Variants in ABCB4 observed in about 807,000 individuals in gnomAD.
The protein encoded by ABCB4 is ATP binding cassette subfamily B member 4.
ABCB4 carries 76 observed loss-of-function variants against 145.7 expected under a neutral mutation model. The ratio of observed to expected loss-of-function variants is 0.52; its 90% CI spans 0.43 to 0.63. ABCB4 has a LOEUF of 0.63. Among genes scored for constraint, ABCB4 ranks in the 30% least tolerant of loss-of-function variants. ABCB4 has a pLI of 0.00. For synonymous variants in ABCB4, 517 were observed against 566.8 expected (o/e 0.91, Z 1.25); for missense variants, 1,234 against 1,553.1 (o/e 0.79, Z 3.45).
chr7:87,413,243 GC>G (rs1313415808), intron 22 of ABCB4, among the ~76,000 whole-genome samples: 2 of 152,136 alleles, frequency 1.3e-5, no homozygotes, highest in East Asian at 3.8e-4. Context: ...ATACCCAATA[GC>G]AAGTCTCACT....
At chr7:87,429,201 A>G (rs1339542942) in intron 15 of ABCB4, among the ~76,000 whole-genome samples, 1 of 152,180 alleles carries the variant, frequency 6.6e-6, no homozygotes, top group Non-Finnish European at 1.5e-5. Flanking sequence ...CAAAACTCAA[A>G]TCAGAAATGG....
At chr7:87,398,585 C>G (rs1336530835), downstream of ABCB4, 1 of 1,613,560 alleles carries the variant, frequency 6.2e-7, no homozygotes, top group African/African-American at 1.3e-5. Context: ...AAAGCTAGTT[C>G]AGCTGACTTT....
chr7:87,460,055 A>AGC (rs1812348177), intron 4 of ABCB4, among the ~76,000 whole-genome samples: 1 of 152,168 alleles, frequency 6.6e-6, no homozygotes, highest in African/African-American at 2.4e-5. Context: ...AATCAAAGGC[A>AGC]GCTGGTGTAA....
At chr7:87,375,749 C>A in the ABCB4 span, 1 of 1,611,840 alleles carries the variant, frequency 6.2e-7, no homozygotes, top group Admixed American at 1.7e-5. Flanking sequence ...CTTTTCTTAA[C>A]GAAGCTTTTC....
At chr7:87,441,859 A>G (rs1470841466) in intron 12 of ABCB4, among the ~76,000 whole-genome samples, 3 of 152,200 alleles carry the variant, frequency 2.0e-5, no homozygotes, top group African/African-American at 7.2e-5. Flanking sequence ...TCAATCTCCC[A>G]AAGTGCTGAG....
chr7:87,420,157 A>T (rs1466060820), intron 18 of ABCB4, 82 bp from the exon 19 acceptor site: 7 of 1,343,790 alleles, frequency 5.2e-6, no homozygotes, highest in Non-Finnish European at 7.5e-6. Context: ...ACTTTTATGT[A>T]GCAAAGTTAT....
At chr7:87,467,206 T>A (rs144995739) in intron 3 of ABCB4, among the ~76,000 whole-genome samples, 1,605 of 152,088 alleles carry the variant, frequency 0.011, 15 homozygotes, top group South Asian at 0.026. Flanking sequence ...TGGAGGAAGA[T>A]CTACCAAGCA....
At chr7:87,398,280 C>G (rs899184148), downstream of ABCB4, 3 of 645,902 alleles carry the variant, frequency 4.6e-6, no homozygotes, top group Non-Finnish European at 8.6e-6. Context: ...TCAGAGCACT[C>G]TAGGGCTCTA....
At chr7:87,466,582 C>T (rs898699470) in intron 3 of ABCB4, among the ~76,000 whole-genome samples, 4 of 152,096 alleles carry the variant, frequency 2.6e-5, no homozygotes, top group African/African-American at 9.7e-5. Flanking sequence ...ACAGCAACTC[C>T]AAGAAACATA....
chr7:87,465,788 AG>A (rs967860265), intron 3 of ABCB4, among the ~76,000 whole-genome samples: 10 of 152,208 alleles, frequency 6.6e-5, no homozygotes, highest in Non-Finnish European at 1.5e-4. Flanking sequence ...CCAGGAAAAC[AG>A]GGTCTGGAGT....
chr7:87,457,942 C>T (rs1411709486), intron 4 of ABCB4, among the ~76,000 whole-genome samples: 1 of 152,110 alleles, frequency 6.6e-6, no homozygotes, highest in African/African-American at 2.4e-5. Context: ...AAGCATCTCT[C>T]CTTTCTTTGT....
chr7:87,419,423 C>T lies in ABCB4; in HGVS notation c.2394+575G>A, dbSNP rs146298487. On this transcript the variant is annotated intron_variant, in intron 19 of 27. Transcript: ENST00000649586. ...TGTCAGGCACTAGAATGTGAACTTACGAGGAGAGCAAATAATGGATTATAC... is the reference window on the plus strand; with the variant it reads ...TGTCAGGCACTAGAATGTGAACTTATGAGGAGAGCAAATAATGGATTATAC... Among the ~76,000 whole-genome samples the T allele has an allele frequency of 1.4e-3, 219 of 152,178 alleles. 1 individual carries two copies. The highest frequency in any genetic ancestry group is 5.2e-3 in the African/African-American group (215 of 41,514).
chr7:87,417,261 C>T, intron 21 of ABCB4, 51 bp downstream of exon 21: 1 of 1,547,842 alleles, frequency 6.5e-7, no homozygotes, highest in Middle Eastern at 2.0e-4. Context: ...TCAAATAAAA[C>T]ACATGTCTAA....
chr7:87,414,829 T>A (rs1584689706), intron 21 of ABCB4, among the ~76,000 whole-genome samples: 2 of 152,188 alleles, frequency 1.3e-5, no homozygotes, highest in Non-Finnish European at 2.9e-5. Context: ...TTTTACTATG[T>A]CCAAGTATTA....
intron 14 of ABCB4, among the ~76,000 whole-genome samples, chr7:87,436,554 A>G (rs1245980136): frequency 1.3e-5 from 2 of 152,306 alleles, no homozygotes; most frequent in East Asian, 3.9e-4. Flanking sequence ...CCAAATTTCT[A>G]TGGGCAGAAA....
In ABCB4 at chr7:87,413,683, A is replaced by G. The variant is rs767435057; in HGVS notation, c.2717T>C (p.Val906Ala). 6.2e-7 allele frequency: 1 copy of G among 1,612,854 alleles called. No individual in the cohort carries two copies. The highest frequency in any genetic ancestry group is 1.1e-5 in the South Asian group (1 of 91,040). Residue 906 changes from valine to alanine, a missense_variant, in exon 22 of 28, where the codon GTT becomes GCT. Transcript: ENST00000649586. ...TTTTCTTTCCTGGGTCAAAGACACA[A>G]CTGTCCTAATATTTTCTATTGCCTC... ...ATEAIENIRT[V>A]VSLTQERKFE...
At chr7:87,400,221 A>G (rs1012948578), downstream of ABCB4, among the ~76,000 whole-genome samples, 10 of 152,194 alleles carry the variant, frequency 6.6e-5, no homozygotes, top group African/African-American at 2.4e-4. Flanking sequence ...AGGAGTGGGG[A>G]AAAAGTAATA....
In ABCB4 at chr7:87,450,057, A is replaced by G. The variant is rs776905218; in HGVS notation, c.744T>C (p.Ala248=). Residue 248 remains alanine, a synonymous_variant, in exon 8 of 28, where the codon GCT becomes GCC. Coordinates refer to ENST00000649586, the MANE Select transcript of ABCB4 (RefSeq NM_000443.4). The part of the protein sequence containing the change: ...LSAFSDKELA[A]YAKAGAVAEE... Reference sequence around the variant, plus strand: ...CTGCCACGGCGCCTGCTTTTGCATAAGCAGCTAGTTCTTTGTCACTAAATG... The same window carrying G: ...CTGCCACGGCGCCTGCTTTTGCATAGGCAGCTAGTTCTTTGTCACTAAATG... The G allele has an allele frequency of 3.7e-6, 6 of 1,614,082 alleles. No homozygotes were observed. In the African/African-American group the frequency reaches 8.0e-5, roughly 22 times the overall value.
intron 12 of ABCB4, 77 bp downstream of exon 12, chr7:87,443,241 TG>T: frequency 6.3e-7 from 1 of 1,585,244 alleles, no homozygotes; most frequent in East Asian, 2.2e-5. Flanking sequence ...CACGCAAATT[TG>T]TTACTGAAAA....
Sources: gnomAD v4.1 joint callset for allele counts (sites outside exome capture counted in the v4.1 genomes callset) on GRCh38, gnomAD v4.1.1 for gene constraint, MANE v1.5 for transcripts, NCBI Gene and HGNC (gene_info 2026-07-23, HGNC 2026-07-21) for gene names.